SMOC2: variants seen among roughly 807,000 people sequenced by gnomAD.
SMOC2 encodes the protein SPARC-related modular calcium-binding protein 2.
SMOC2 carries 39 observed loss-of-function variants against 61.4 expected under a neutral mutation model. That is an observed-to-expected ratio of 0.64 (90% confidence interval 0.49 to 0.83). The LOEUF is 0.83. Ranked by LOEUF, SMOC2 falls within the 40% of genes least tolerant of loss-of-function variation. The pLI, the probability that SMOC2 is intolerant of heterozygous loss-of-function variation, is 0.00. For synonymous variants in SMOC2, 247 were observed against 239.9 expected, an observed-to-expected ratio of 1.03 and a Z score of -0.27; for missense variants, 556 against 592.9, an observed-to-expected ratio of 0.94 and a Z score of 0.65.
At chr6:168,471,697 T>G (rs764107954) in intron 1 of SMOC2, among the ~76,000 whole-genome samples, 1 of 152,232 alleles carries the variant, frequency 6.6e-6, no homozygotes, top group Non-Finnish European at 1.5e-5. Context: ...TTCTTCACAT[T>G]CTCACCAACA....
chr6:168,611,840 T>A (rs954321015), intron 9 of SMOC2, among the ~76,000 whole-genome samples: 1 of 152,222 alleles, frequency 6.6e-6, no homozygotes, highest in Non-Finnish European at 1.5e-5. Flanking sequence ...CTCCCACACA[T>A]CCTTCAGGAC....
intron 12 of SMOC2, chr6:168,664,548 T>C (rs1184881079): frequency 2.6e-6 from 1 of 383,428 alleles, no homozygotes; most frequent in Non-Finnish European, 5.1e-6. Flanking sequence ...GTGTTTGTAA[T>C]TTGGTTCCTC....
chr6:168,525,248 C>A (rs1021282819), intron 2 of SMOC2, among the ~76,000 whole-genome samples: 1 of 152,220 alleles, frequency 6.6e-6, no homozygotes, highest in Non-Finnish European at 1.5e-5. Context: ...AACGTGACGT[C>A]GTCTCCTGTG....
intron 8 of SMOC2, among the ~76,000 whole-genome samples, chr6:168,606,101 A>G (rs964469485): frequency 6.6e-6 from 1 of 152,152 alleles, no homozygotes; most frequent in Non-Finnish European, 1.5e-5. Flanking sequence ...TAAAAATAAG[A>G]GCTTCCTAAT....
chr6:168,562,764 A>T (rs1784450433), intron 7 of SMOC2, among the ~76,000 whole-genome samples: 1 of 152,142 alleles, frequency 6.6e-6, no homozygotes, highest in South Asian at 2.1e-4. Flanking sequence ...GCAGTGTTTT[A>T]TCACGTGATG....
At chr6:168,563,621 C>T (rs1466070644) in intron 7 of SMOC2, among the ~76,000 whole-genome samples, 1 of 151,992 alleles carries the variant, frequency 6.6e-6, no homozygotes, top group Non-Finnish European at 1.5e-5. Flanking sequence ...GTTGTGAGGG[C>T]AATGGGATTA....
At chr6:168,616,400 C>T (rs1004295408) in intron 9 of SMOC2, among the ~76,000 whole-genome samples, 1 of 152,180 alleles carries the variant, frequency 6.6e-6, no homozygotes, top group Non-Finnish European at 1.5e-5. Flanking sequence ...GTTGAGGAGG[C>T]TGGGATGCGA....
intron 7 of SMOC2, among the ~76,000 whole-genome samples, chr6:168,562,449 C>T (rs187198527): frequency 1.0e-3 from 137 of 131,698 alleles, no homozygotes; most frequent in Middle Eastern, 4.4e-3. Flanking sequence ...ACTGTGTTCT[C>T]GGAGGAGGTG....
chr6:168,652,891 C>G, intron 10 of SMOC2, 63 bp from the exon 11 acceptor site: 1 of 1,523,638 alleles, frequency 6.6e-7, no homozygotes, highest in Non-Finnish European at 8.9e-7. Context: ...GAGGGAAGGA[C>G]AGTGGCCAGG....
At chr6:168,549,258 T>G in intron 7 of SMOC2, 55 bp downstream of exon 7, 2 of 1,551,414 alleles carry the variant, frequency 1.3e-6, no homozygotes, top group Non-Finnish European at 1.8e-6. Context: ...ATCTAGAAAA[T>G]GATGGGGTTT....
intron 2 of SMOC2, among the ~76,000 whole-genome samples, chr6:168,510,697 T>G (rs2749258): frequency 0.5 from 76,234 of 152,056 alleles, 22,448 homozygotes; most frequent in Non-Finnish European, 0.68. Flanking sequence ...CATCTGGCAG[T>G]TAGCTTCAGC....
intron 11 of SMOC2, among the ~76,000 whole-genome samples, chr6:168,663,872 G>C (rs564298292): frequency 5.3e-5 from 8 of 152,198 alleles, no homozygotes; most frequent in African/African-American, 1.7e-4. Flanking sequence ...GAGAATTGGA[G>C]GATTTTGATA....
chr6:168,477,036 G>A (rs1240374000), intron 1 of SMOC2, among the ~76,000 whole-genome samples: 1 of 152,188 alleles, frequency 6.6e-6, no homozygotes, highest in Non-Finnish European at 1.5e-5. Flanking sequence ...AAAGCTGGAC[G>A]AAATTAGAAT....
intron 1 of SMOC2, among the ~76,000 whole-genome samples, chr6:168,442,255 G>A (rs77368284): frequency 0.04 from 6,039 of 152,368 alleles, 367 homozygotes; most frequent in African/African-American, 0.14. Flanking sequence ...GAGCGCGAGG[G>A]TCACCGCGGT....
intron 7 of SMOC2, among the ~76,000 whole-genome samples, chr6:168,594,419 C>T (rs377207548): frequency 1.0e-4 from 2 of 19,308 alleles, no homozygotes; most frequent in African/African-American, 1.5e-4. Context: ...TTCCTGAGGC[C>T]TCACGGGCAT....
intron 7 of SMOC2, among the ~76,000 whole-genome samples, chr6:168,579,457 A>G (rs1035676477): frequency 6.6e-6 from 1 of 152,192 alleles, no homozygotes; most frequent in Non-Finnish European, 1.5e-5. Context: ...AACTATTCTG[A>G]TTGTTTTTGT....
At chr6:168,589,076 CA>C (rs35958554) in intron 7 of SMOC2, among the ~76,000 whole-genome samples, 44,337 of 89,482 alleles carry the variant, frequency 0.5, 7,453 homozygotes, top group Middle Eastern at 0.65. Context: ...GAATTCGTCT[CA>C]AAAAAAAAAA....
chr6:168,527,834 T>C, intron 4 of SMOC2, 107 bp downstream of exon 4: 1 of 803,054 alleles, frequency 1.2e-6, no homozygotes, highest in Admixed American at 2.1e-5. Context: ...GAAATCCAGT[T>C]TGGCCGGCAT....
intron 1 of SMOC2, among the ~76,000 whole-genome samples, chr6:168,483,674 A>T (rs1303221518): frequency 6.6e-6 from 1 of 152,098 alleles, no homozygotes; most frequent in Non-Finnish European, 1.5e-5. Flanking sequence ...AAAACTGAGT[A>T]CTCTCACTTT....
Sources: gnomAD v4.1 joint callset for allele counts (sites outside exome capture counted in the v4.1 genomes callset) on GRCh38, gnomAD v4.1.1 for gene constraint, MANE v1.5 for transcripts, NCBI Gene and HGNC (gene_info 2026-07-23, HGNC 2026-07-21) for gene names.